Variants in LAPTM4B observed in about 807,000 individuals in gnomAD.
LAPTM4B encodes lysosomal-associated transmembrane protein 4B.
Under a neutral mutation model 28.5 loss-of-function variants are expected in LAPTM4B, and 26 were observed. The observed-to-expected ratio is 0.91, with a 90% CI of 0.67 to 1.27. The LOEUF is 1.27. Among genes scored for constraint, LAPTM4B ranks in the 50% most tolerant of loss-of-function variants. LAPTM4B has a pLI of 0.00. For missense variants in LAPTM4B, 288 were observed against 285.8 expected (o/e 1.01, Z -0.06); for synonymous variants, 109 against 106.4 (o/e 1.02, Z -0.15).
At position 97,816,103 on chromosome 8, in the gene LAPTM4B, G is replaced by C; in HGVS notation, c.331G>C (p.Asp111His). Residue 111 changes from aspartate (D) to histidine (H), a missense_variant, in exon 4 of 7, where the codon GAC becomes CAC. Coordinates refer to ENST00000521545, the MANE Select transcript of LAPTM4B (RefSeq NM_018407.6). ...CCCATTCTTCTGTTACCAGATCTTT[G>C]ACTTTGCCCTGAACATGTTGGTTGC... is the stretch of plus-strand genomic sequence containing the variant. Reference protein sequence around the residue: ...IIPFFCYQIFDFALNMLVAIT... With the variant: ...IIPFFCYQIFHFALNMLVAIT... 1 of 1,613,586 alleles carries C rather than the reference G, an allele frequency of 6.2e-7. No individual in the cohort carries two copies. The highest frequency in any genetic ancestry group is 2.2e-5 in the East Asian group (1 of 44,838).
At chr8:97,800,677 G>A (rs531502528) in intron 1 of LAPTM4B, among the ~76,000 whole-genome samples, 2 of 151,640 alleles carry the variant, frequency 1.3e-5, no homozygotes, top group South Asian at 2.1e-4. Flanking sequence ...TGTATTTTTA[G>A]TGGAGACGGG....
intron 1 of LAPTM4B, among the ~76,000 whole-genome samples, chr8:97,785,092 CTT>C (rs974109853): frequency 1.1e-4 from 16 of 144,804 alleles, no homozygotes; most frequent in African/African-American, 2.5e-5. Flanking sequence ...TTTTATCACA[CTT>C]TTTTTTTTTT....
At chr8:97,777,219 T>A (rs1816236175) in intron 1 of LAPTM4B, among the ~76,000 whole-genome samples, 2 of 139,318 alleles carry the variant, frequency 1.4e-5, no homozygotes, top group Admixed American at 1.6e-4. Context: ...TGATCTCTGC[T>A]CACTGCAGCC....
chr8:97,809,666 C>T (rs1816799153), intron 2 of LAPTM4B, among the ~76,000 whole-genome samples: 1 of 152,158 alleles, frequency 6.6e-6, no homozygotes, highest in Non-Finnish European at 1.5e-5. Context: ...TGTCACTGCA[C>T]TCCAGCCTGG....
At chr8:97,792,885 CAATT>C (rs1816526266) in intron 1 of LAPTM4B, among the ~76,000 whole-genome samples, 1 of 152,146 alleles carries the variant, frequency 6.6e-6, no homozygotes, top group African/African-American at 2.4e-5. Flanking sequence ...GCATAACAGT[CAATT>C]AGTCACTTAA....
chr8:97,776,125 C>A lies in LAPTM4B; in HGVS notation c.99+17C>A. The A allele has an allele frequency of 6.7e-7, 1 of 1,486,954 alleles. No homozygotes were observed. Among genetic ancestry groups the A allele is most frequent in the South Asian group, 1.2e-5 (1 of 85,284 alleles). 92.1% of individuals were successfully genotyped at this position (1,486,954 alleles called of 1,614,324 possible). On this transcript the variant is annotated intron_variant, in intron 1 of 6. Coordinates refer to ENST00000521545, the MANE Select transcript of LAPTM4B (RefSeq NM_018407.6). ...TGGTATCTGGTGAGCGCGGCGCGCC[C>A]GGCCCGGGACCCTGCGTTGCTTCCG...
intron 1 of LAPTM4B, among the ~76,000 whole-genome samples, chr8:97,778,830 G>A (rs772896130): frequency 1.3e-5 from 2 of 151,756 alleles, no homozygotes; most frequent in Admixed American, 6.6e-5. Context: ...TCTCTGGGTC[G>A]CCGGCTAATA....
At chr8:97,805,219 G>T in intron 1 of LAPTM4B, 134 bp from the exon 2 acceptor site, 1 of 603,334 alleles carries the variant, frequency 1.7e-6, no homozygotes, top group South Asian at 2.1e-5. Context: ...GTGGGGCTTA[G>T]TGTTGAGAGT....
At chr8:97,849,100 C>G (rs1817477541) in intron 6 of LAPTM4B, among the ~76,000 whole-genome samples, 1 of 152,162 alleles carries the variant, frequency 6.6e-6, no homozygotes, top group Non-Finnish European at 1.5e-5. Flanking sequence ...TTCACTGTAG[C>G]AAACACCTTG....
chr8:97,791,091 A>G (rs907915453), intron 1 of LAPTM4B, among the ~76,000 whole-genome samples: 1 of 152,122 alleles, frequency 6.6e-6, no homozygotes, highest in African/African-American at 2.4e-5. Flanking sequence ...TTGTTTGTAG[A>G]AACAGGGTCT....
In LAPTM4B at chr8:97,829,695, TC is replaced by T. The variant is rs200263155; in HGVS notation, c.603+4543del. The stretch of plus-strand genomic sequence containing the variant: ...TTTGCTGAATTTTTCTTTTCTTTCT[TC>T]TTTTTTTTTTTTGAGACAAGAGTCT... On this transcript the variant is annotated intron_variant, in intron 6 of 6. Transcript: ENST00000521545. 8.3e-4 allele frequency among the ~76,000 whole-genome samples: 123 copies of T among 148,574 alleles called. 2 individuals carry two copies. Among genetic ancestry groups the T allele is most frequent in the Non-Finnish European group, 9.4e-4 (63 of 66,928 alleles).
intron 2 of LAPTM4B, among the ~76,000 whole-genome samples, chr8:97,810,053 C>T (rs2129780089): frequency 6.6e-6 from 1 of 152,230 alleles, no homozygotes; most frequent in South Asian, 2.1e-4. Context: ...CCTTAGCCTC[C>T]CAAGTAGCTG....
rs185666389 is a variant in LAPTM4B, at chr8:97,799,396, C to T, written c.100-5957C>T. Among the ~76,000 whole-genome samples, 275 of 152,194 alleles carry T rather than the reference C, an allele frequency of 1.8e-3. 1 individual carries two copies. The highest frequency in any genetic ancestry group is 9.4e-4 in the Non-Finnish European group (64 of 67,986). ...TTTAGAGAGAAATGGGCTGAAGAAA[C>T]CAGAAACAAAGAACTAAAAGCAGAT... On this transcript the variant is annotated intron_variant, in intron 1 of 6. Coordinates refer to ENST00000521545, the MANE Select transcript of LAPTM4B (RefSeq NM_018407.6).
At chr8:97,787,028 C>G (rs1816414337) in intron 1 of LAPTM4B, among the ~76,000 whole-genome samples, 1 of 151,978 alleles carries the variant, frequency 6.6e-6, no homozygotes. Context: ...CTCCACCATC[C>G]CAAATATTGT....
chr8:97,829,798 G>A (rs1185196130), intron 6 of LAPTM4B, among the ~76,000 whole-genome samples: 1 of 151,824 alleles, frequency 6.6e-6, no homozygotes, highest in African/African-American at 2.4e-5. Context: ...CCTGGTTCAA[G>A]CAATTCTCCT....
intron 5 of LAPTM4B, 65 bp from the exon 6 acceptor site, chr8:97,824,993 G>C: frequency 1.2e-6 from 1 of 862,366 alleles, no homozygotes; most frequent in Non-Finnish European, 2.0e-6. Flanking sequence ...GGCTTTATCT[G>C]TGTGGTATTC....
At chr8:97,791,288 A>G (rs912377396) in intron 1 of LAPTM4B, among the ~76,000 whole-genome samples, 1 of 152,024 alleles carries the variant, frequency 6.6e-6, no homozygotes, top group African/African-American at 2.4e-5. Flanking sequence ...TTCATATTCA[A>G]ATATTTAAAA....
intron 6 of LAPTM4B, among the ~76,000 whole-genome samples, chr8:97,830,161 AT>A (rs1276898264): frequency 3.9e-5 from 6 of 152,072 alleles, no homozygotes; most frequent in African/African-American, 1.4e-4. Context: ...ATAGCCAACA[AT>A]TTTTTGCTAA....
chr8:97,806,879 C>A (rs1207395150), intron 2 of LAPTM4B, among the ~76,000 whole-genome samples: 1 of 152,068 alleles, frequency 6.6e-6, no homozygotes, highest in East Asian at 1.9e-4. Context: ...ATTGCTTGAA[C>A]CCCAGGTGGC....
Sources: gnomAD v4.1 joint callset for allele counts (sites outside exome capture counted in the v4.1 genomes callset) on GRCh38, gnomAD v4.1.1 for gene constraint, MANE v1.5 for transcripts, NCBI Gene and HGNC (gene_info 2026-07-23, HGNC 2026-07-21) for gene names.